The following TM9SF4 variants were observed in gnomAD, a reference collection of about 807,000 sequenced individuals.
TM9SF4 encodes dinucleotide oxidase disulfide thiol exchanger 3 superfamily member 4.
A neutral mutation model predicts 90.4 loss-of-function variants in TM9SF4; 26 were observed. The ratio of observed to expected loss-of-function variants is 0.29; its 90% CI spans 0.21 to 0.40. The LOEUF (loss-of-function observed/expected upper bound fraction) is 0.40, where lower values mean the gene tolerates loss of function less well. Among genes scored for constraint, TM9SF4 ranks in the 10% least tolerant of loss-of-function variants. The probability of loss-of-function intolerance (pLI) is 1.00; values close to 1 mark genes in which losing one functional copy is unlikely to be tolerated. For missense variants in TM9SF4, 549 were observed against 834.8 expected, an observed-to-expected ratio of 0.66 and a Z score of 4.22; for synonymous variants, 293 against 315.4, an observed-to-expected ratio of 0.93 and a Z score of 0.75.
Position 32,109,750 on chromosome 20 carries a change from G to C in TM9SF4, c.10G>C (p.Ala4Pro). The stretch of plus-strand genomic sequence containing the variant: ...GACACGTGGATCCAAGATGGCGACG[G>C]CGATGGTGAGTGAAGGAGACTCCGG... Reference protein sequence around the residue: MATAMDWLPWSLLL... With the variant: MATPMDWLPWSLLL... Residue 4 changes from alanine to proline, a missense_variant, in exon 1 of 18, where the codon GCG (alanine) becomes CCG (proline). By Grantham distance (27) the Ala-to-Pro change is conservative. Coordinates refer to ENST00000398022, the MANE Select transcript of TM9SF4 (RefSeq NM_014742.4). 6.4e-7 allele frequency: 1 copy of C among 1,551,658 alleles called. No individual in the cohort carries two copies. The highest frequency in any genetic ancestry group is 1.2e-5 in the South Asian group (1 of 84,070).
Position 32,136,183 on chromosome 20 carries a change from TCTC to T in TM9SF4, c.229+12_229+14del. The stretch of plus-strand genomic sequence containing the variant: ...AAGGCAGAGAATCTGGGTAAGTTCT[TCTC>T]CCACACTGCTGTCAACTTGTCCCCA... On this transcript the variant is annotated intron_variant, in intron 3 of 17. Transcript: ENST00000398022. 6.2e-7 allele frequency: 1 copy of T among 1,613,144 alleles called. No homozygotes were observed. The highest frequency in any genetic ancestry group is 2.2e-5 in the East Asian group (1 of 44,884).
rs2046956832 is a variant in TM9SF4 at position 32,158,080 on chromosome 20, T to TAA, written c.1505+112_1505+113insAA. ...TTCCTGCCGCTTCAGCCGGCTCTAA[T>TAA]AGAGTTTATGAAAGCTTAACTTCAC... On this transcript the variant is annotated intron_variant, in intron 14 of 17. Transcript: ENST00000398022. 9.9e-6 allele frequency: 14 copies of TAA among 1,419,652 alleles called. No individual in the cohort carries two copies. The South Asian group carries it at 1.7e-4, about 18-fold the overall frequency. 87.9% of individuals were successfully genotyped at this position (1,419,652 alleles called of 1,614,324 possible).
intron 17 of TM9SF4, among the ~76,000 whole-genome samples, chr20:32,162,080 A>G (rs1364878252): frequency 6.6e-6 from 1 of 152,206 alleles, no homozygotes; most frequent in Non-Finnish European, 1.5e-5. Context: ...AGATTCATTC[A>G]TGATACACAA....
chr20:32,155,242 C>G (rs2046902488), intron 13 of TM9SF4, 56 bp downstream of exon 13: 4 of 1,401,418 alleles, frequency 2.9e-6, no homozygotes, highest in South Asian at 1.1e-5. Context: ...ACCAGTTGCA[C>G]TCAGCCCTAC....
At chr20:32,133,200 G>A in intron 2 of TM9SF4, 74 bp downstream of exon 2, 1 of 1,379,408 alleles carries the variant, frequency 7.2e-7, no homozygotes, top group East Asian at 2.3e-5. Flanking sequence ...AGCTGTTCGT[G>A]TCCATCCTGT....
chr20:32,138,462 T>A (rs553952472), intron 3 of TM9SF4, among the ~76,000 whole-genome samples: 1 of 152,156 alleles, frequency 6.6e-6, no homozygotes, highest in East Asian at 1.9e-4. Flanking sequence ...AATACAAAAT[T>A]TAAAAAAATT....
intron 1 of TM9SF4, among the ~76,000 whole-genome samples, chr20:32,118,900 A>G (rs2046266343): frequency 6.6e-6 from 1 of 152,048 alleles, no homozygotes; most frequent in South Asian, 2.1e-4. Context: ...AAGTGCTGGG[A>G]TTATAGTCCT....
intron 2 of TM9SF4, among the ~76,000 whole-genome samples, chr20:32,135,853 A>C (rs1450894858): frequency 6.6e-6 from 1 of 152,214 alleles, no homozygotes. Context: ...GACTCTCACA[A>C]TGTATTGAAT....
At chr20:32,140,176 A>T (rs1429538809) in intron 3 of TM9SF4, among the ~76,000 whole-genome samples, 1 of 152,226 alleles carries the variant, frequency 6.6e-6, no homozygotes, top group Non-Finnish European at 1.5e-5. Context: ...GACCAAGTGC[A>T]TGTGGAGGTG....
chr20:32,122,471 G>A (rs1228794991), intron 1 of TM9SF4, among the ~76,000 whole-genome samples: 2 of 147,032 alleles, frequency 1.4e-5, no homozygotes, highest in African/African-American at 2.5e-5. Context: ...CGGGCGGAGG[G>A]TCTCCTCACT....
In TM9SF4 at chr20:32,162,058, G is replaced by A. The variant is rs758387092; in HGVS notation, c.1779+693G>A. ...TGGGCAAGAATACAGATGTCCCCAC[G>A]ACAGTTTTACTAGATTCATTCATGA... On this transcript the variant is annotated intron_variant, in intron 17 of 17. Transcript: ENST00000398022. 5.9e-5 allele frequency among the ~76,000 whole-genome samples: 9 copies of A among 152,242 alleles called. No homozygotes were observed. In the South Asian group the frequency reaches 1.0e-3, roughly 18 times the overall value.
intron 1 of TM9SF4, among the ~76,000 whole-genome samples, chr20:32,127,324 C>T (rs190211636): frequency 2.8e-4 from 43 of 152,288 alleles, no homozygotes; most frequent in African/African-American, 1.0e-3. Flanking sequence ...TAATGCAATT[C>T]ATCTGCTTGA....
intron 17 of TM9SF4, among the ~76,000 whole-genome samples, chr20:32,164,526 G>T (rs1034022741): frequency 1.3e-5 from 2 of 152,178 alleles, no homozygotes; most frequent in Non-Finnish European, 2.9e-5. Context: ...AAGAAAAGGG[G>T]TTAGGGGAGA....
rs55977888 is a variant in TM9SF4 at position 32,128,790 on chromosome 20, CTGTGTGTG to C, written c.16-4193_16-4186del. Among the ~76,000 whole-genome samples the C allele has an allele frequency of 1.3e-3, 194 of 145,176 alleles. 1 individual carries two copies. Among genetic ancestry groups the C allele is most frequent in the Middle Eastern group, 3.4e-3 (1 of 292 alleles). ...TTTTATGGCTGAAGAGTATTCCATTCTGTGTGTGTGTGTGTGTGTGTGTGTGTGTGTGT... is the reference window on the plus strand; with the variant it reads ...TTTTATGGCTGAAGAGTATTCCATTCTGTGTGTGTGTGTGTGTGTGTGTGT... On this transcript the variant is annotated intron_variant, in intron 1 of 17. Coordinates refer to ENST00000398022, the MANE Select transcript of TM9SF4 (RefSeq NM_014742.4).
At chr20:32,123,188 G>A (rs1212394571) in intron 1 of TM9SF4, among the ~76,000 whole-genome samples, 2 of 9,692 alleles carry the variant, frequency 2.1e-4, no homozygotes, top group African/African-American at 5.3e-4. Flanking sequence ...GGGGGGAGGG[G>A]GAGAGGGGGA....
intron 6 of TM9SF4, among the ~76,000 whole-genome samples, chr20:32,144,188 C>T (rs542862899): frequency 2.0e-5 from 3 of 152,294 alleles, no homozygotes; most frequent in African/African-American, 7.2e-5. Context: ...TCGTGATCTG[C>T]CTGCCTTGGC....
intron 15 of TM9SF4, 78 bp from the exon 16 acceptor site, chr20:32,159,914 C>G (rs969159777): frequency 1.3e-6 from 2 of 1,594,590 alleles, no homozygotes; most frequent in African/African-American, 2.7e-5. Flanking sequence ...TCCACTCCTG[C>G]CCTTGTGACA....
At chr20:32,150,497 C>A in intron 10 of TM9SF4, 125 bp from the exon 11 acceptor site, 1 of 1,039,574 alleles carries the variant, frequency 9.6e-7, no homozygotes, top group Non-Finnish European at 1.4e-6. Context: ...GGAGGGGGAG[C>A]CTCATCTGCC....
chr20:32,125,681 CTTTTTTTTTTTT>C (rs11470673), intron 1 of TM9SF4, among the ~76,000 whole-genome samples: 1 of 108,950 alleles, frequency 9.2e-6, no homozygotes, highest in East Asian at 2.9e-4. Flanking sequence ...TCTCTTTTTT[CTTTTTTTTTTTT>C]TTTTTTTTTG....
Sources: allele counts gnomAD v4.1 joint callset (sites outside exome capture counted in the v4.1 genomes callset), GRCh38; gene constraint gnomAD v4.1.1; transcripts MANE v1.5; gene names NCBI Gene and HGNC (gene_info 2026-07-23, HGNC 2026-07-21).